Variants in SEL1L observed in about 807,000 individuals in gnomAD.
SEL1L encodes SEL1L adaptor subunit of SYVN1 ubiquitin ligase.
SEL1L carries 52 observed loss-of-function variants against 109.8 expected under a neutral mutation model. The ratio of observed to expected loss-of-function variants is 0.47; its 90% CI spans 0.38 to 0.60. SEL1L has a LOEUF of 0.60. Among genes scored for constraint, SEL1L ranks in the 20% least tolerant of loss-of-function variants. The pLI is 0.00. For missense variants in SEL1L, 749 were observed against 962.2 expected (o/e 0.78, Z 2.93); for synonymous variants, 373 against 339.6 (o/e 1.10, Z -1.08).
At chr14:81,498,365 T>C in intron 9 of SEL1L, 48 bp downstream of exon 9, 1 of 1,436,678 alleles carries the variant, frequency 7.0e-7, no homozygotes, top group Non-Finnish European at 9.7e-7. Flanking sequence ...TTAAAGTTAA[T>C]TCCATTTATT....
intron 12 of SEL1L, 55 bp downstream of exon 12, chr14:81,492,424 CT>C: frequency 1.7e-6 from 2 of 1,210,504 alleles, no homozygotes; most frequent in Non-Finnish European, 1.2e-6. Context: ...ACAATACATG[CT>C]AATTATGCAA....
chr14:81,533,828 C>T lies in SEL1L; in HGVS notation c.-84G>A. On this transcript the variant is annotated 5_prime_UTR_variant, in exon 1 of 21. Coordinates refer to ENST00000336735, the MANE Select transcript of SEL1L (RefSeq NM_005065.6). ...GACTCAGCCACCACCGCCGCCTCGC[C>T]GCTGCTCTTCCTGCTCTAGTCTCCT... 3 of 1,360,806 alleles carry T rather than the reference C, an allele frequency of 2.2e-6. No homozygotes were observed. The highest frequency in any genetic ancestry group is 3.1e-6 in the Non-Finnish European group (3 of 970,832). 84.3% of individuals were successfully genotyped at this position (1,360,806 alleles called of 1,614,324 possible). A position where few individuals can be genotyped will look rare whatever the true frequency, so the allele number is the denominator to read the frequency against.
intron 18 of SEL1L, 152 bp downstream of exon 18, chr14:81,485,520 G>T: frequency 1.6e-6 from 1 of 620,316 alleles, no homozygotes; most frequent in Non-Finnish European, 2.8e-6. Flanking sequence ...TCGAACTCCT[G>T]ACCTCAAGTG....
chr14:81,531,794 C>A lies in SEL1L; in HGVS notation c.70+1881G>T, dbSNP rs532018878. Reference sequence around the variant, plus strand: ...CTGGGCTCAAGTGATCCTTCCACTTCAGCCTCCCAAAGTGCTGGGATTACA... The same window carrying A: ...CTGGGCTCAAGTGATCCTTCCACTTAAGCCTCCCAAAGTGCTGGGATTACA... On this transcript the variant is annotated intron_variant, in intron 1 of 20. Transcript: ENST00000336735. 2.0e-5 allele frequency among the ~76,000 whole-genome samples: 3 copies of A among 152,286 alleles called. No homozygotes were observed. In the South Asian group the frequency reaches 6.2e-4, roughly 32 times the overall value.
rs778494396 is a variant in SEL1L at position 81,490,473 on chromosome 14, A to T, written c.1255-8T>A. 6.2e-7 allele frequency: 1 copy of T among 1,606,854 alleles called. No homozygotes were observed. The highest frequency in any genetic ancestry group is 1.1e-5 in the South Asian group (1 of 90,886). On this transcript the variant is annotated splice_polypyrimidine_tract_variant and splice_region_variant and intron_variant, in intron 12 of 20. Coordinates refer to ENST00000336735, the MANE Select transcript of SEL1L (RefSeq NM_005065.6). ...ACTTCCTTCCGAATACATCTGGAAA[A>T]CAGATCCCAATTTCAGTAAGAGCTG...
chr14:81,495,237 T>C, intron 10 of SEL1L, 100 bp from the exon 11 acceptor site: 1 of 1,025,864 alleles, frequency 9.7e-7, no homozygotes, highest in East Asian at 2.4e-5. Flanking sequence ...ATGGCTTCTG[T>C]TCATGACTCA....
chr14:81,489,593 T>A (rs1314416860), intron 13 of SEL1L, among the ~76,000 whole-genome samples: 1 of 152,204 alleles, frequency 6.6e-6, no homozygotes, highest in Non-Finnish European at 1.5e-5. Context: ...ACCATGAATT[T>A]ATGACATAAA....
chr14:81,487,625 C>G lies in SEL1L; in HGVS notation c.1484-87G>C. On this transcript the variant is annotated intron_variant, in intron 15 of 20. Coordinates refer to ENST00000336735, the MANE Select transcript of SEL1L (RefSeq NM_005065.6). ...AGGCTTATATATGAAGAATAAAACT[C>G]TAATGAAAGAATTCTTACTGAGTAA... The G allele has an allele frequency of 3.3e-6, 5 of 1,531,902 alleles. No homozygotes were observed. In the South Asian group the frequency reaches 6.1e-5, roughly 19 times the overall value. The allele number at this position is 1,531,902 out of a possible 1,614,324, so 94.9% of individuals were successfully genotyped here. A position where few individuals can be genotyped will look rare whatever the true frequency, so the allele number is the denominator to read the frequency against.
At chr14:81,489,120 A>C (rs950487349) in intron 14 of SEL1L, 132 bp downstream of exon 14, 1 of 773,696 alleles carries the variant, frequency 1.3e-6, no homozygotes, top group African/African-American at 1.7e-5. Context: ...AAACTCAGAC[A>C]ACAGAAAGAG....
chr14:81,484,470 C>A, intron 18 of SEL1L, 73 bp from the exon 19 acceptor site: 1 of 1,350,022 alleles, frequency 7.4e-7, no homozygotes, highest in South Asian at 1.5e-5. Context: ...TTTTTCTCCT[C>A]CCATTGACAT....
At chr14:81,528,211 T>A (rs910356815) in intron 1 of SEL1L, among the ~76,000 whole-genome samples, 1 of 152,190 alleles carries the variant, frequency 6.6e-6, no homozygotes, top group Admixed American at 6.5e-5. Context: ...TTTACTACTA[T>A]AGTAAGGATG....
At chr14:81,506,283 C>G in intron 3 of SEL1L, 42 bp from the exon 4 acceptor site, 7 of 1,482,100 alleles carry the variant, frequency 4.7e-6, no homozygotes, top group Non-Finnish European at 6.3e-6. Flanking sequence ...GAAACAACAC[C>G]TCTGGTATTC....
In SEL1L at chr14:81,477,151, CCATAT is replaced by C. The variant is rs1352227963; in HGVS notation, c.2201_2205del (p.Asp734GlyfsTer7). 1 of 1,613,802 alleles carries C rather than the reference CCATAT, an allele frequency of 6.2e-7. No homozygotes were observed. Among genetic ancestry groups the C allele is most frequent in the African/African-American group, 1.3e-5 (1 of 74,844 alleles). On this transcript the variant is annotated frameshift_variant, in exon 21 of 21. Transcript: ENST00000336735. LOFTEE classifies it high-confidence loss of function. ...TCCCACTCAGGTCCCAAAAGCTGGT[CCATAT>C]CAAGTTGGGTGAACATATCTCGAAT... is the stretch of plus-strand genomic sequence containing the variant.
intron 12 of SEL1L, among the ~76,000 whole-genome samples, chr14:81,491,329 G>C (rs1883529938): frequency 6.6e-6 from 1 of 152,114 alleles, no homozygotes; most frequent in Admixed American, 6.6e-5. Flanking sequence ...AAAGGGCCAA[G>C]AGAAAGAAAA....
chr14:81,523,697 G>C (rs1474349762), intron 3 of SEL1L, among the ~76,000 whole-genome samples: 1 of 152,020 alleles, frequency 6.6e-6, no homozygotes, highest in Non-Finnish European at 1.5e-5. Flanking sequence ...TTGTGAGACT[G>C]AGCCCTAAAC....
In SEL1L at chr14:81,475,515, G is replaced by A. The variant is rs1462388456; in HGVS notation, c.*1457C>T. ...CTTTTCAAGTTTTCTGGCAGATGAG[G>A]GATTCTGGGAAAAAAGCATGAAGGT... On this transcript the variant is annotated 3_prime_UTR_variant, in exon 21 of 21. Coordinates refer to ENST00000336735, the MANE Select transcript of SEL1L (RefSeq NM_005065.6). 1 of 152,102 alleles carries A rather than the reference G, an allele frequency of 6.6e-6. No individual in the cohort carries two copies. Among genetic ancestry groups the A allele is most frequent in the South Asian group, 2.1e-4 (1 of 4,830 alleles). 9.4% of individuals were successfully genotyped at this position (152,102 alleles called of 1,614,324 possible).
intron 18 of SEL1L, 44 bp downstream of exon 18, chr14:81,485,628 G>T: frequency 6.8e-7 from 1 of 1,477,646 alleles, no homozygotes; most frequent in Non-Finnish European, 9.5e-7. Context: ...AACAACATAG[G>T]GAGGTCCCTG....
chr14:81,523,928 T>C (rs1885016685), intron 3 of SEL1L, among the ~76,000 whole-genome samples: 1 of 152,186 alleles, frequency 6.6e-6, no homozygotes, highest in African/African-American at 2.4e-5. Context: ...AATGCTCAAA[T>C]ACAAAGCAAA....
In SEL1L at chr14:81,506,293, C is replaced by T. The variant is rs77162129; in HGVS notation, c.341-52G>A. ...AACATGAAACAACACCTCTGGTATT[C>T]ATGGATTCAATGCCATCAATTTTGG... On this transcript the variant is annotated intron_variant, in intron 3 of 20. Transcript: ENST00000336735. 98 of 1,443,442 alleles carry T rather than the reference C, an allele frequency of 6.8e-5. No homozygotes were observed. The East Asian group carries it at 2.5e-3, about 37-fold the overall frequency. The allele number at this position is 1,443,442 out of a possible 1,614,324, so 89.4% of individuals were successfully genotyped here.
Sources: allele counts gnomAD v4.1 joint callset (sites outside exome capture counted in the v4.1 genomes callset), GRCh38; gene constraint gnomAD v4.1.1; transcripts MANE v1.5; gene names NCBI Gene and HGNC (gene_info 2026-07-23, HGNC 2026-07-21).